Variants in MED14 observed in about 807,000 individuals in gnomAD.
The protein encoded by MED14 is mediator of RNA polymerase II transcription subunit 14.
A neutral mutation model predicts 109.0 loss-of-function variants in MED14; 8 were observed. The ratio of observed to expected loss-of-function variants is 0.07; its 90% confidence interval spans 0.04 to 0.13. The LOEUF (loss-of-function observed/expected upper bound fraction) is 0.13, where lower values mean the gene tolerates loss of function less well. Ranked by LOEUF, MED14 falls within the 10% of genes least tolerant of loss-of-function variation. The pLI is 1.00. For synonymous variants in MED14, 399 were observed against 408.7 expected (o/e 0.98, Z 0.29); for missense variants, 711 against 1,142.4 (o/e 0.62, Z 5.44).
chrX:40,702,068 A>G (rs1346923031), intron 11 of MED14, among the ~76,000 whole-genome samples: 1 of 111,881 alleles, frequency 8.9e-6, no homozygotes, highest in African/African-American at 3.2e-5. Flanking sequence ...TCTATATACA[A>G]TCTATATACA....
chrX:40,714,476 A>C, intron 4 of MED14, 61 bp downstream of exon 4: 1 of 1,107,333 alleles, frequency 9.0e-7, no homozygotes, highest in Non-Finnish European at 1.2e-6. Context: ...TTAATAATAC[A>C]ATCCAATCCA....
chrX:40,704,607 T>C (rs181148308), intron 10 of MED14, among the ~76,000 whole-genome samples: 281 of 112,550 alleles, frequency 2.5e-3, no homozygotes, highest in Non-Finnish European at 3.8e-3. Flanking sequence ...GACAAATGTA[T>C]ATTATCTATA....
chrX:40,713,350 A>G (rs1414578333), intron 5 of MED14, among the ~76,000 whole-genome samples: 1 of 112,330 alleles, frequency 8.9e-6, no homozygotes, highest in African/African-American at 3.2e-5. Flanking sequence ...GGTACTAAAG[A>G]GAAATGATAC....
chrX:40,716,359 G>A (rs1931521042), intron 3 of MED14, among the ~76,000 whole-genome samples: 1 of 111,046 alleles, frequency 9.0e-6, no homozygotes, highest in African/African-American at 3.3e-5. Flanking sequence ...TGGGGAGACA[G>A]AGGCAGGAGG....
At chrX:40,692,975 G>T in intron 13 of MED14, 73 bp from the exon 14 acceptor site, 1 of 726,363 alleles carries the variant, frequency 1.4e-6, no homozygotes, top group Non-Finnish European at 1.9e-6. Flanking sequence ...ACATCATCAA[G>T]TAAGGCTCAG....
chrX:40,735,812 T>G (rs770303174), upstream of MED14: 12 of 333,068 alleles, frequency 3.6e-5, no homozygotes, highest in South Asian at 2.9e-4. Context: ...TTCTCTCAGC[T>G]GTCTAGCACC....
chrX:40,711,266 G>T lies in MED14; in HGVS notation c.925C>A (p.His309Asn). ...CGGATTAACATTAGAGTTTGGGAATGTAACACTTCTAACTGAAGTGATAAA... is the reference window on the plus strand; with the variant it reads ...CGGATTAACATTAGAGTTTGGGAATTTAACACTTCTAACTGAAGTGATAAA... ...FCLSLQLEVL[H>N]SQTLMLIRER... Residue 309 changes from histidine (H) to asparagine (N), a missense_variant, in exon 8 of 31, where the codon CAT (histidine) becomes AAT (asparagine). His to Asn is a moderately conservative substitution (Grantham distance 68). Transcript: ENST00000324817. The T allele has an allele frequency of 8.3e-7, 1 of 1,202,594 alleles. No individual in the cohort carries two copies. The highest frequency in any genetic ancestry group is 1.1e-6 in the Non-Finnish European group (1 of 887,470).
chrX:40,711,962 T>C (rs192526070), intron 7 of MED14, among the ~76,000 whole-genome samples: 3 of 111,005 alleles, frequency 2.7e-5, no homozygotes, highest in African/African-American at 9.8e-5. Flanking sequence ...TAATCACTTT[T>C]TGCTTTTACC....
chrX:40,733,110 T>G (rs1932137173), intron 1 of MED14, among the ~76,000 whole-genome samples: 1 of 107,101 alleles, frequency 9.3e-6, no homozygotes, highest in Non-Finnish European at 1.9e-5. Context: ...TATCAATATT[T>G]TTTTTTTTTT....
At chrX:40,697,716 T>TA (rs200744106) in intron 12 of MED14, among the ~76,000 whole-genome samples, 1,933 of 111,850 alleles carry the variant, frequency 0.017, 16 homozygotes, top group Middle Eastern at 0.06. Context: ...ATATAATATG[T>TA]AAAAAAGGGA....
intron 1 of MED14, among the ~76,000 whole-genome samples, chrX:40,730,864 A>T (rs1386673088): frequency 1.1e-5 from 1 of 91,302 alleles, no homozygotes; most frequent in African/African-American, 4.1e-5. Flanking sequence ...GGGGTCAGGT[A>T]CGGTGGCTCA....
At chrX:40,665,210 T>C (rs976201977) in intron 24 of MED14, among the ~76,000 whole-genome samples, 7 of 111,198 alleles carry the variant, frequency 6.3e-5, no homozygotes, top group African/African-American at 2.3e-4. Context: ...CATATATAAC[T>C]GGGAGGTATA....
At chrX:40,695,768 A>C (rs945522841) in intron 13 of MED14, among the ~76,000 whole-genome samples, 6 of 111,616 alleles carry the variant, frequency 5.4e-5, no homozygotes, top group Admixed American at 1.9e-4. Context: ...AATTCAGAAA[A>C]AAGTAAAATT....
intron 3 of MED14, among the ~76,000 whole-genome samples, chrX:40,715,515 G>A (rs986907350): frequency 9.0e-6 from 1 of 110,793 alleles, no homozygotes; most frequent in Non-Finnish European, 1.9e-5. Context: ...GGCTGGGTGC[G>A]GTGGCTCAGG....
rs201000321 is a variant in MED14, at chrX:40,671,799, GGT to G, written c.3133+60_3133+61del. 1,201 of 707,450 alleles carry G rather than the reference GGT, an allele frequency of 1.7e-3. 7 individuals are homozygous for G. Among genetic ancestry groups the G allele is most frequent in the Non-Finnish European group, 3.3e-4 (153 of 465,130 alleles). The allele number at this position is 707,450 out of a possible 1,213,427, so 58.3% of individuals were successfully genotyped here. A position where few individuals can be genotyped will look rare whatever the true frequency, so the allele number is the denominator to read the frequency against. ...AGATGCACAGTGCTTCTCAATGTGG[GGT>G]GTGTGTGTGTATTTTGGATTTGAAA... is the stretch of plus-strand genomic sequence containing the variant. On this transcript the variant is annotated intron_variant, in intron 23 of 30. Transcript: ENST00000324817.
intron 3 of MED14, among the ~76,000 whole-genome samples, chrX:40,720,814 C>T (rs1015692115): frequency 2.7e-5 from 3 of 109,289 alleles, no homozygotes; most frequent in African/African-American, 1.0e-4. Flanking sequence ...AGCTCAGCCA[C>T]AGTAGGACAG....
intron 23 of MED14, among the ~76,000 whole-genome samples, chrX:40,670,017 C>T (rs1208208943): frequency 8.9e-6 from 1 of 112,023 alleles, no homozygotes; most frequent in East Asian, 2.8e-4. Flanking sequence ...AGAGGAAGCA[C>T]AACCCACCCC....
At position 40,691,526 on chromosome X, in the gene MED14, A is replaced by G. The variant is rs752545502; in HGVS notation, c.1980+657T>C. Among the ~76,000 whole-genome samples the G allele has an allele frequency of 1.1e-4, 12 of 109,932 alleles. 1 individual carries two copies. In the East Asian group the frequency reaches 3.4e-3, roughly 31 times the overall value. ...GGTCTTGAACTCCTAAGCTCAAGCA[A>G]TCCTTCCACCTTGGCCTCCCAAAGT... On this transcript the variant is annotated intron_variant, in intron 15 of 30. Transcript: ENST00000324817.
intron 3 of MED14, among the ~76,000 whole-genome samples, chrX:40,718,625 G>A (rs1382061770): frequency 2.7e-5 from 3 of 111,761 alleles, no homozygotes; most frequent in Non-Finnish European, 5.6e-5. Flanking sequence ...CTTGAAGCCA[G>A]GAGTTCGAAA....
Sources: allele counts gnomAD v4.1 joint callset (sites outside exome capture counted in the v4.1 genomes callset), GRCh38; gene constraint gnomAD v4.1.1; transcripts MANE v1.5; gene names NCBI Gene and HGNC (gene_info 2026-07-23, HGNC 2026-07-21).